The following GNB1 variants were observed in gnomAD, a reference collection of about 807,000 sequenced individuals.
GNB1 encodes the protein G protein subunit beta 1.
GNB1 carries 2 observed loss-of-function variants against 42.9 expected under a neutral mutation model. That is an observed-to-expected ratio of 0.05 (90% CI 0.02 to 0.15). The LOEUF is 0.15. Ranked by LOEUF, GNB1 falls within the 10% of genes least tolerant of loss-of-function variation. The pLI is 1.00. For synonymous variants in GNB1, 183 were observed against 174.7 expected (o/e 1.05, Z -0.38); for missense variants, 193 against 462.2 (o/e 0.42, Z 5.34).
At chr1:1,868,820 A>G (rs1029416371) in intron 1 of GNB1, among the ~76,000 whole-genome samples, 3 of 151,904 alleles carry the variant, frequency 2.0e-5, no homozygotes, top group African/African-American at 7.3e-5. Flanking sequence ...CCTAACAATC[A>G]TGAAACAAAT....
chr1:1,807,692 T>C (rs941003824), intron 5 of GNB1, among the ~76,000 whole-genome samples: 2 of 151,168 alleles, frequency 1.3e-5, no homozygotes, highest in African/African-American at 4.9e-5. Context: ...CCAGTAACTA[T>C]CACGAATTTT....
At chr1:1,798,519 A>T (rs1646577425) in intron 7 of GNB1, among the ~76,000 whole-genome samples, 1 of 152,236 alleles carries the variant, frequency 6.6e-6, no homozygotes, top group South Asian at 2.1e-4. Flanking sequence ...CTTAGGCTGG[A>T]CTTCTGATCA....
intron 5 of GNB1, among the ~76,000 whole-genome samples, chr1:1,814,816 AAAAAG>A (rs1204487788): frequency 0.011 from 641 of 60,238 alleles, 6 homozygotes; most frequent in African/African-American, 0.02. Context: ...AAAAAAAAAA[AAAAAG>A]AAAAAAAGAG....
Position 1,804,310 on chromosome 1 carries a change from T to A in GNB1, c.430+109A>T, listed in dbSNP as rs1253095611. ...CGAGACTCCGCCTCAAAAAAAATAA[T>A]TAATTAATTAATTAAAAAATGATTG... On this transcript the variant is annotated intron_variant, in intron 7 of 11. Coordinates refer to ENST00000378609, the MANE Select transcript of GNB1 (RefSeq NM_002074.5). The A allele has an allele frequency of 1.4e-5, 10 of 738,046 alleles. No homozygotes were observed. In the African/African-American group the frequency reaches 1.6e-4, roughly 12 times the overall value. The allele number at this position is 738,046 out of a possible 1,614,324, so 45.7% of individuals were successfully genotyped here. A position where few individuals can be genotyped will look rare whatever the true frequency, so the allele number is the denominator to read the frequency against.
At chr1:1,872,588 C>T (rs1425884734) in intron 1 of GNB1, among the ~76,000 whole-genome samples, 3 of 152,184 alleles carry the variant, frequency 2.0e-5, no homozygotes, top group Non-Finnish European at 4.4e-5. Flanking sequence ...GCCTGCTGTC[C>T]CTTCCGCAGG....
intron 1 of GNB1, among the ~76,000 whole-genome samples, chr1:1,851,071 CA>C (rs1647953873): frequency 2.0e-5 from 3 of 152,124 alleles, no homozygotes; most frequent in South Asian, 2.1e-4. Context: ...AGTTTGAGAC[CA>C]GCCTGACCAA....
chr1:1,794,321 C>T (rs6690956), intron 7 of GNB1: 35,582 of 152,066 alleles, frequency 0.23, 4,348 homozygotes, highest in Non-Finnish European at 0.26. Flanking sequence ...CATTTGAACC[C>T]GGCAGTTCAA....
chr1:1,808,803 C>G (rs1432221417), intron 5 of GNB1, among the ~76,000 whole-genome samples: 1 of 152,108 alleles, frequency 6.6e-6, no homozygotes, highest in Non-Finnish European at 1.5e-5. Flanking sequence ...GCCACCACAC[C>G]TGGCTAATTT....
At chr1:1,806,600 A>C in intron 5 of GNB1, 62 bp from the exon 6 acceptor site, 2 of 1,074,790 alleles carry the variant, frequency 1.9e-6, no homozygotes, top group Non-Finnish European at 2.8e-6. Context: ...GTACAAGAGC[A>C]ACAGACTAAA....
Position 1,786,212 on chromosome 1 carries a change from A to C in GNB1, c.*851T>G, listed in dbSNP as rs1646404577. 2 of 396,714 alleles carry C rather than the reference A, an allele frequency of 5.0e-6. No individual in the cohort carries two copies. Among genetic ancestry groups the C allele is most frequent in the Non-Finnish European group, 8.9e-6 (2 of 225,216 alleles). 24.6% of individuals were successfully genotyped at this position (396,714 alleles called of 1,614,324 possible). A position where few individuals can be genotyped will look rare whatever the true frequency, so the allele number is the denominator to read the frequency against. ...GGTTCCTCCTAGTTGGGGGTGGGGT[A>C]GTGTTAGGCTATTATAAACTTCCCT... On this transcript the variant is annotated 3_prime_UTR_variant, in exon 12 of 12. Coordinates refer to ENST00000378609, the MANE Select transcript of GNB1 (RefSeq NM_002074.5).
At chr1:1,815,129 A>T (rs889440132) in intron 5 of GNB1, among the ~76,000 whole-genome samples, 1 of 151,450 alleles carries the variant, frequency 6.6e-6, no homozygotes, top group South Asian at 2.1e-4. Flanking sequence ...AAAAAAAAAA[A>T]GAGAAAAGAA....
intron 1 of GNB1, among the ~76,000 whole-genome samples, chr1:1,852,602 G>A (rs1035498427): frequency 1.2e-4 from 18 of 151,966 alleles, no homozygotes; most frequent in African/African-American, 4.1e-4. Context: ...GGCTAAGACA[G>A]GAGGACTGGT....
rs746339517 is a variant in GNB1, at chr1:1,861,457, A to AAAT, written c.-95-22222_-95-22220dup. ...AGCAAGACCCTGTGTACTGTCTCAA[A>AAAT]AATAATAATAATAATAATAATAAAA... On this transcript the variant is annotated intron_variant, in intron 1 of 11. Transcript: ENST00000378609. Among the ~76,000 whole-genome samples the AAAT allele has an allele frequency of 1.8e-3, 269 of 151,532 alleles. 2 individuals carry two copies. The highest frequency in any genetic ancestry group is 3.3e-3 in the South Asian group (16 of 4,802).
intron 7 of GNB1, among the ~76,000 whole-genome samples, chr1:1,795,954 A>G (rs909171836): frequency 1.2e-4 from 18 of 152,174 alleles, no homozygotes; most frequent in African/African-American, 4.3e-4. Flanking sequence ...GACAAGGGGA[A>G]TGACCGAATG....
chr1:1,882,205 T>G (rs979744084), intron 1 of GNB1, among the ~76,000 whole-genome samples: 1 of 152,022 alleles, frequency 6.6e-6, no homozygotes, highest in Non-Finnish European at 1.5e-5. Context: ...TCCTAACACT[T>G]TGGGAGGCCA....
intron 3 of GNB1, 52 bp downstream of exon 3, chr1:1,825,345 T>C (rs1328058698): frequency 2.4e-6 from 3 of 1,273,860 alleles, no homozygotes; most frequent in Non-Finnish European, 3.4e-6. Context: ...ACAAGTAACA[T>C]CTAACCTGAA....
intron 5 of GNB1, among the ~76,000 whole-genome samples, chr1:1,810,254 A>G (rs1298564333): frequency 6.6e-6 from 1 of 151,418 alleles, no homozygotes; most frequent in Non-Finnish European, 1.5e-5. Context: ...TTTAGTTGAG[A>G]CAGGGTTTCA....
chr1:1,830,247 T>C (rs1335643573), intron 2 of GNB1, among the ~76,000 whole-genome samples: 1 of 151,872 alleles, frequency 6.6e-6, no homozygotes, highest in Non-Finnish European at 1.5e-5. Flanking sequence ...CTTTTCAGTT[T>C]CAATAAAATA....
intron 2 of GNB1, among the ~76,000 whole-genome samples, chr1:1,826,209 G>A (rs958816598): frequency 6.6e-6 from 1 of 152,104 alleles, no homozygotes; most frequent in African/African-American, 2.4e-5. Context: ...TTGAGGTCAG[G>A]AGTTCAAGAC....
Sources: allele counts gnomAD v4.1 joint callset (sites outside exome capture counted in the v4.1 genomes callset), GRCh38; gene constraint gnomAD v4.1.1; transcripts MANE v1.5; gene names NCBI Gene and HGNC (gene_info 2026-07-23, HGNC 2026-07-21).